The following HS3ST4 variants were observed in gnomAD, a reference collection of about 807,000 sequenced individuals.
The protein encoded by HS3ST4 is heparan sulfate-glucosamine 3-sulfotransferase 4.
HS3ST4 carries 17 observed loss-of-function variants against 29.2 expected under a neutral mutation model. That is an observed-to-expected ratio of 0.58 (90% CI 0.40 to 0.87). The LOEUF is 0.87. Among genes scored for constraint, HS3ST4 ranks in the 40% least tolerant of loss-of-function variants. HS3ST4 has a pLI of 0.00. For synonymous variants in HS3ST4, 314 were observed against 285.7 expected, an observed-to-expected ratio of 1.10 and a Z score of -1.00; for missense variants, 627 against 634.5, an observed-to-expected ratio of 0.99 and a Z score of 0.13.
At chr16:25,724,170 A>G (rs990843898) in intron 1 of HS3ST4, among the ~76,000 whole-genome samples, 8 of 152,080 alleles carry the variant, frequency 5.3e-5, no homozygotes, top group African/African-American at 7.2e-5. Flanking sequence ...CCCAAAAAAT[A>G]TAAACATTTT....
rs556492387 is a variant in HS3ST4, at chr16:26,014,285, C to T, written c.735-121327C>T. Among the ~76,000 whole-genome samples, 3 of 152,308 alleles carry T rather than the reference C, an allele frequency of 2.0e-5. No individual in the cohort carries two copies. In the South Asian group the frequency reaches 6.2e-4, roughly 32 times the overall value. Reference sequence around the variant, plus strand: ...ACACATTGTGGACATTCCATGAATACTTAACAAATGAATGAATGAAAGTTC... The same window carrying T: ...ACACATTGTGGACATTCCATGAATATTTAACAAATGAATGAATGAAAGTTC... On this transcript the variant is annotated intron_variant, in intron 1 of 1. Coordinates refer to ENST00000331351, the MANE Select transcript of HS3ST4 (RefSeq NM_006040.3).
chr16:26,020,845 A>G (rs1418355348), intron 1 of HS3ST4, among the ~76,000 whole-genome samples: 3 of 152,186 alleles, frequency 2.0e-5, no homozygotes, highest in Admixed American at 6.5e-5. Flanking sequence ...TCCAGGACCC[A>G]CATTGTTTAG....
intron 1 of HS3ST4, among the ~76,000 whole-genome samples, chr16:25,865,850 G>C (rs1276432626): frequency 6.6e-6 from 1 of 151,988 alleles, no homozygotes; most frequent in Non-Finnish European, 1.5e-5. Context: ...TTAAATGTAA[G>C]ACCCAAAAGT....
intron 1 of HS3ST4, among the ~76,000 whole-genome samples, chr16:26,012,786 T>A (rs1285859529): frequency 1.3e-5 from 2 of 152,176 alleles, no homozygotes; most frequent in African/African-American, 2.4e-5. Flanking sequence ...AATAGATTTA[T>A]TAAATAAGAA....
intron 1 of HS3ST4, among the ~76,000 whole-genome samples, chr16:25,696,286 T>C (rs1319591990): frequency 6.6e-6 from 1 of 152,214 alleles, no homozygotes; most frequent in Non-Finnish European, 1.5e-5. Context: ...ATGAGCTGAT[T>C]ACAAGCTGTC....
intron 1 of HS3ST4, among the ~76,000 whole-genome samples, chr16:25,801,274 A>G (rs952834624): frequency 9.9e-5 from 15 of 152,176 alleles, no homozygotes; most frequent in Admixed American, 8.5e-4. Flanking sequence ...CTGGTATGCA[A>G]CATAGTGCAT....
At chr16:25,766,690 C>T (rs1204608904) in intron 1 of HS3ST4, among the ~76,000 whole-genome samples, 1 of 152,094 alleles carries the variant, frequency 6.6e-6, no homozygotes, top group Non-Finnish European at 1.5e-5. Context: ...GAAAAACACC[C>T]AAATACCCTG....
At chr16:25,930,498 A>T (rs566842249) in intron 1 of HS3ST4, among the ~76,000 whole-genome samples, 1 of 152,144 alleles carries the variant, frequency 6.6e-6, no homozygotes, top group Non-Finnish European at 1.5e-5. Context: ...GAATTTTTTT[A>T]TTTGCAAGTG....
At chr16:25,956,961 G>C (rs975268159) in intron 1 of HS3ST4, among the ~76,000 whole-genome samples, 1 of 133,328 alleles carries the variant, frequency 7.5e-6, no homozygotes, top group African/African-American at 2.9e-5. Context: ...TTGAGCCACT[G>C]CACTCCAGCC....
At chr16:25,716,064 C>G (rs112716655) in intron 1 of HS3ST4, among the ~76,000 whole-genome samples, 1 of 152,140 alleles carries the variant, frequency 6.6e-6, no homozygotes, top group African/African-American at 2.4e-5. Flanking sequence ...AGGGTCACAT[C>G]TGGTGTGGCG....
At chr16:25,868,188 T>C (rs2141658041) in intron 1 of HS3ST4, among the ~76,000 whole-genome samples, 1 of 152,218 alleles carries the variant, frequency 6.6e-6, no homozygotes. Context: ...GGAAGTGAGG[T>C]GCTGCCAGGA....
chr16:25,746,007 C>T (rs1966683083), intron 1 of HS3ST4, among the ~76,000 whole-genome samples: 1 of 152,192 alleles, frequency 6.6e-6, no homozygotes, highest in South Asian at 2.1e-4. Context: ...CAGATCTTAG[C>T]ATAGATTTAC....
intron 1 of HS3ST4, among the ~76,000 whole-genome samples, chr16:26,124,488 T>C (rs532076546): frequency 6.6e-6 from 1 of 152,278 alleles, no homozygotes; most frequent in Non-Finnish European, 1.5e-5. Flanking sequence ...GTAAAGTGGG[T>C]TCCAAAGCTC....
At chr16:26,015,940 G>A (rs763378946) in intron 1 of HS3ST4, among the ~76,000 whole-genome samples, 1 of 152,094 alleles carries the variant, frequency 6.6e-6, no homozygotes. Flanking sequence ...TGTCACAGCT[G>A]GGGGTGGGGT....
intron 1 of HS3ST4, among the ~76,000 whole-genome samples, chr16:25,793,239 TTTTG>T (rs1329344083): frequency 6.6e-6 from 1 of 151,896 alleles, no homozygotes; most frequent in Non-Finnish European, 1.5e-5. Context: ...CACTTGAAAA[TTTTG>T]TTTATTAAAT....
At chr16:25,984,471 G>A (rs1969040883) in intron 1 of HS3ST4, among the ~76,000 whole-genome samples, 2 of 152,190 alleles carry the variant, frequency 1.3e-5, no homozygotes, top group Non-Finnish European at 2.9e-5. Context: ...ACCTTGTGCT[G>A]TGTAACCAGG....
chr16:26,032,453 T>C, intron 1 of HS3ST4: 3 of 911,306 alleles, frequency 3.3e-6, no homozygotes, highest in Non-Finnish European at 5.2e-6. Context: ...AAAACAAAAT[T>C]CCACATTTTT....
intron 1 of HS3ST4, among the ~76,000 whole-genome samples, chr16:26,064,992 A>G (rs1898525941): frequency 6.6e-6 from 1 of 152,226 alleles, no homozygotes; most frequent in Admixed American, 6.5e-5. Flanking sequence ...ATTAAAATAC[A>G]TTCCAGATAG....
At chr16:25,720,772 A>G (rs553921829) in intron 1 of HS3ST4, among the ~76,000 whole-genome samples, 3 of 152,338 alleles carry the variant, frequency 2.0e-5, no homozygotes, top group Admixed American at 2.0e-4. Flanking sequence ...ATGGCTGGAC[A>G]GCTGGAAGAA....
Sources: gnomAD v4.1 joint callset for allele counts (sites outside exome capture counted in the v4.1 genomes callset) on GRCh38, gnomAD v4.1.1 for gene constraint, MANE v1.5 for transcripts, NCBI Gene and HGNC (gene_info 2026-07-23, HGNC 2026-07-21) for gene names.